GTSF1: variants seen among roughly 807,000 people sequenced by gnomAD.
GTSF1 encodes the protein gametocyte-specific factor 1.
In GTSF1, 11 loss-of-function variants were observed where a neutral mutation model predicts 28.9. The ratio of observed to expected loss-of-function variants is 0.38; its 90% CI spans 0.24 to 0.63. The LOEUF is 0.63. Among genes scored for constraint, GTSF1 ranks in the 30% least tolerant of loss-of-function variants. GTSF1 has a pLI of 0.56. For missense variants in GTSF1, 146 were observed against 201.0 expected, an observed-to-expected ratio of 0.73 and a Z score of 1.66; for synonymous variants, 69 against 65.6, an observed-to-expected ratio of 1.05 and a Z score of -0.25.
chr12:54,457,777 A>T (rs1319835259), intron 8 of GTSF1, among the ~76,000 whole-genome samples: 2 of 149,972 alleles, frequency 1.3e-5, no homozygotes, highest in African/African-American at 2.5e-5. Flanking sequence ...GATGTACCCC[A>T]GTGCTGGTGT....
chr12:54,461,288 A>C (rs1956418663), intron 6 of GTSF1, among the ~76,000 whole-genome samples: 1 of 151,160 alleles, frequency 6.6e-6, no homozygotes. Context: ...TTTTGTAGAG[A>C]CAGGATCTTA....
At chr12:54,457,654 A>T (rs1200365554) in intron 8 of GTSF1, among the ~76,000 whole-genome samples, 2 of 152,166 alleles carry the variant, frequency 1.3e-5, no homozygotes, top group Non-Finnish European at 2.9e-5. Flanking sequence ...TCACAGGCAC[A>T]GTCATGGTAC....
intron 2 of GTSF1, among the ~76,000 whole-genome samples, chr12:54,465,777 T>C (rs764287659): frequency 3.3e-5 from 5 of 152,224 alleles, no homozygotes; most frequent in Admixed American, 6.5e-5. Context: ...ATATCAGTTA[T>C]ATGTTTTATG....
At chr12:54,458,338 G>A (rs1956367962) in intron 8 of GTSF1, among the ~76,000 whole-genome samples, 1 of 152,138 alleles carries the variant, frequency 6.6e-6, no homozygotes, top group Non-Finnish European at 1.5e-5. Context: ...GATCGACAGT[G>A]TAAAACTCTT....
chr12:54,467,071 C>CCAA (rs1387234131), intron 2 of GTSF1: 7 of 152,024 alleles, frequency 4.6e-5, no homozygotes, highest in Non-Finnish European at 8.8e-5. Context: ...CAACTAGTCT[C>CCAA]CAAAAGTTTT....
chr12:54,463,881 C>T (rs1956465773), intron 3 of GTSF1, among the ~76,000 whole-genome samples: 1 of 152,200 alleles, frequency 6.6e-6, no homozygotes, highest in African/African-American at 2.4e-5. Flanking sequence ...ACCTTCATTT[C>T]AGCTATTTCA....
At chr12:54,458,246 G>C (rs1255567077) in intron 8 of GTSF1, among the ~76,000 whole-genome samples, 1 of 152,216 alleles carries the variant, frequency 6.6e-6, no homozygotes, top group Non-Finnish European at 1.5e-5. Context: ...TAAAGGAAAG[G>C]CTTCATCTGT....
At position 54,471,229 on chromosome 12, in the gene GTSF1, A is replaced by C. The variant is rs377647039; in HGVS notation, c.16+4T>G. 1.1e-5 allele frequency: 17 copies of C among 1,591,642 alleles called. No homozygotes were observed. The highest frequency in any genetic ancestry group is 1.5e-5 in the Non-Finnish European group (17 of 1,170,710). On this transcript the variant is annotated splice_donor_region_variant and intron_variant, in intron 2 of 8. Coordinates refer to ENST00000305879, the MANE Select transcript of GTSF1 (RefSeq NM_144594.3). ...ATTTTCTAAAAGCAACAAGGAGTAC[A>C]TACTGTAAGTTTCTTCCATGTTGGA...
chr12:54,463,344 A>C (rs781753725), intron 3 of GTSF1, 47 bp from the exon 4 acceptor site: 1 of 1,602,188 alleles, frequency 6.2e-7, no homozygotes, highest in South Asian at 1.1e-5. Flanking sequence ...GGATCTACTA[A>C]AGTCAACAGG....
chr12:54,461,606 A>T (rs913710218), intron 6 of GTSF1, among the ~76,000 whole-genome samples: 5 of 152,100 alleles, frequency 3.3e-5, no homozygotes, highest in African/African-American at 1.2e-4. Context: ...TCATGCCATT[A>T]CACTCCAGCC....
Position 54,464,994 on chromosome 12 carries a change from T to G in GTSF1, c.117+73A>C, listed in dbSNP as rs1411418356. 8 of 853,086 alleles carry G rather than the reference T, an allele frequency of 9.4e-6. No homozygotes were observed. In the African/African-American group the frequency reaches 1.4e-4, roughly 14 times the overall value. The allele number at this position is 853,086 out of a possible 1,614,324, so 52.8% of individuals were successfully genotyped here. A position where few individuals can be genotyped will look rare whatever the true frequency, so the allele number is the denominator to read the frequency against. On this transcript the variant is annotated intron_variant, in intron 3 of 8. Transcript: ENST00000305879. ...GGCAATCAATTAAAACATGATAAAA[T>G]TATTTGATATTTATAAAATATGGCC...
chr12:54,467,510 T>C (rs1449647572), intron 2 of GTSF1, among the ~76,000 whole-genome samples: 1 of 152,016 alleles, frequency 6.6e-6, no homozygotes, highest in Non-Finnish European at 1.5e-5. Flanking sequence ...AGACGGGGTT[T>C]CATCATGTTG....
intron 2 of GTSF1, among the ~76,000 whole-genome samples, chr12:54,470,239 G>T (rs1956577980): frequency 6.6e-6 from 1 of 152,180 alleles, no homozygotes; most frequent in Non-Finnish European, 1.5e-5. Flanking sequence ...TCTCAAGTGT[G>T]GTCCTCAGAT....
At chr12:54,466,706 A>G (rs1956517940) in intron 2 of GTSF1, 1 of 151,874 alleles carries the variant, frequency 6.6e-6, no homozygotes. Flanking sequence ...CATATGTCAG[A>G]GTTGATAATG....
intron 6 of GTSF1, among the ~76,000 whole-genome samples, chr12:54,461,526 A>C (rs2120744165): frequency 6.6e-6 from 1 of 152,164 alleles, no homozygotes; most frequent in African/African-American, 2.4e-5. Flanking sequence ...GGATCCCTAT[A>C]GTTCTTGCTA....
chr12:54,466,643 ATAGACTGGATGGT>A (rs1956516412), intron 2 of GTSF1, among the ~76,000 whole-genome samples: 7 of 152,176 alleles, frequency 4.6e-5, no homozygotes, highest in Admixed American at 4.6e-4. Flanking sequence ...TCAGCAGCTG[ATAGACTGGATGGT>A]ACCTTATGAT....
intron 2 of GTSF1, among the ~76,000 whole-genome samples, chr12:54,470,401 C>A (rs1956580351): frequency 6.6e-6 from 1 of 152,116 alleles, no homozygotes; most frequent in African/African-American, 2.4e-5. Context: ...CTACTGTGTT[C>A]TAGATATTTA....
chr12:54,459,027 T>C (rs1267329289), intron 8 of GTSF1, 62 bp downstream of exon 8: 1 of 1,201,272 alleles, frequency 8.3e-7, no homozygotes, highest in East Asian at 2.4e-5. Context: ...CCAAATTGCT[T>C]TATGTCCAGT....
intron 2 of GTSF1, chr12:54,468,894 C>T (rs1195236788): frequency 6.6e-6 from 1 of 151,824 alleles, no homozygotes; most frequent in African/African-American, 2.4e-5. Flanking sequence ...CTGGGATGAG[C>T]GCTGAGATTG....
Sources: allele counts gnomAD v4.1 joint callset (sites outside exome capture counted in the v4.1 genomes callset), GRCh38; gene constraint gnomAD v4.1.1; transcripts MANE v1.5; gene names NCBI Gene and HGNC (gene_info 2026-07-23, HGNC 2026-07-21).